The following CWC22 variants were observed in gnomAD, a reference collection of about 807,000 sequenced individuals.
CWC22 encodes CWC22 spliceosome associated protein.
A neutral mutation model predicts 117.2 loss-of-function variants in CWC22; 53 were observed. That is an observed-to-expected ratio of 0.45 (90% confidence interval 0.36 to 0.57). CWC22 has a LOEUF of 0.57. CWC22 is among the 20% of genes least tolerant of loss of function. The pLI, the probability that CWC22 is intolerant of heterozygous loss-of-function variation, is 0.00. For missense variants in CWC22, 980 were observed against 1,068.8 expected (o/e 0.92, Z 1.16); for synonymous variants, 360 against 355.6 (o/e 1.01, Z -0.14).
chr2:179,964,611 G>C lies in CWC22; in HGVS notation c.1333C>G (p.His445Asp). The part of the protein sequence containing the change: ...EDEEGQKVTI[H>D]DKTEINLVSF... ...ACCAGGTTAATTTCTGTTTTGTCAT[G>C]AATAGTTACTTTTTGTCCTGAAAGA... is the stretch of plus-strand genomic sequence containing the variant. The change falls in exon 13 of 20, where the codon CAT (histidine) becomes GAT (aspartate). Residue 445 changes from histidine (H) to aspartate (D), a missense_variant. By Grantham distance (81) the His-to-Asp change is moderately conservative. Coordinates refer to ENST00000410053, the MANE Select transcript of CWC22 (RefSeq NM_020943.3). The C allele has an allele frequency of 6.5e-7, 1 of 1,547,674 alleles. No homozygotes were observed.
Position 179,961,347 on chromosome 2 carries a change from G to A in CWC22, c.1398-2265C>T, listed in dbSNP as rs181488224. ...AAGTAATGATTATGGACTTAGTTTTGCAGTTCATCTATATTCCTCAGCTTC... is the reference window on the plus strand; with the variant it reads ...AAGTAATGATTATGGACTTAGTTTTACAGTTCATCTATATTCCTCAGCTTC... On this transcript the variant is annotated intron_variant, in intron 13 of 19. Coordinates refer to ENST00000410053, the MANE Select transcript of CWC22 (RefSeq NM_020943.3). 2.2e-3 allele frequency among the ~76,000 whole-genome samples: 335 copies of A among 151,956 alleles called. 1 individual carries two copies. The highest frequency in any genetic ancestry group is 7.2e-3 in the African/African-American group (297 of 41,482).
intron 19 of CWC22, among the ~76,000 whole-genome samples, chr2:179,946,601 C>T (rs1005489216): frequency 3.3e-5 from 5 of 151,874 alleles, no homozygotes; most frequent in South Asian, 2.1e-4. Flanking sequence ...TTTTAGAAAG[C>T]GACTCAAATG....
At chr2:179,965,524 A>G (rs10497554) in intron 12 of CWC22, among the ~76,000 whole-genome samples, 22,336 of 152,292 alleles carry the variant, frequency 0.15, 2,024 homozygotes, top group Admixed American at 0.29. Context: ...CCAGGGCTAC[A>G]TAAATCACAT....
chr2:179,970,359 C>T lies in CWC22; in HGVS notation c.1210+142G>A, dbSNP rs979811874. 78 of 915,354 alleles carry T rather than the reference C, an allele frequency of 8.5e-5. No individual in the cohort carries two copies. The African/African-American group carries it at 1.2e-3, about 14-fold the overall frequency. The allele number at this position is 915,354 out of a possible 1,614,324, so 56.7% of individuals were successfully genotyped here. A position where few individuals can be genotyped will look rare whatever the true frequency, so the allele number is the denominator to read the frequency against. On this transcript the variant is annotated intron_variant, in intron 11 of 19. Transcript: ENST00000410053. The stretch of plus-strand genomic sequence containing the variant: ...CAAGCACCAGGAAAAAAATAATGCC[C>T]GAGGAAACAGCTAAGAGAATAACTT...
At chr2:179,997,966 G>GA (rs1370694697) in intron 1 of CWC22, among the ~76,000 whole-genome samples, 1 of 152,068 alleles carries the variant, frequency 6.6e-6, no homozygotes, top group African/African-American at 2.4e-5. Context: ...CTTGAATCAA[G>GA]AAAAAATGCA....
chr2:180,006,845 T>A (rs1049594616), intron 1 of CWC22, 22 bp downstream of exon 1: 1 of 152,628 alleles, frequency 6.6e-6, no homozygotes, highest in African/African-American at 2.4e-5. Flanking sequence ...AGTCAGTTCA[T>A]GGCAGCCCAT....
In CWC22 at chr2:179,945,603, G is replaced by A. The variant is rs527659781; in HGVS notation, c.2253C>T (p.His751=). 106 of 1,613,006 alleles carry A rather than the reference G, an allele frequency of 6.6e-5. 1 individual carries two copies. In the South Asian group the frequency reaches 9.0e-4, roughly 14 times the overall value. Residue 751 remains histidine (H), a synonymous_variant, in exon 20 of 20, where the codon CAC becomes CAT. Transcript: ENST00000410053. ...TCTCAGTCCTTGTTTCCTGGTGCCC[G>A]TGTTCTTGTCTTCTTTCTTTTTGTT... ...DRKQKERRQE[H]GHQETRTERE... is the part of the protein sequence containing the mutation.
intron 14 of CWC22, among the ~76,000 whole-genome samples, chr2:179,956,803 T>C (rs1047613734): frequency 7.3e-5 from 11 of 151,720 alleles, no homozygotes; most frequent in Non-Finnish European, 4.4e-5. Flanking sequence ...TTTACCAACA[T>C]TACATTTTAT....
chr2:179,952,946 A>T (rs1434170220), intron 16 of CWC22, among the ~76,000 whole-genome samples: 1 of 152,108 alleles, frequency 6.6e-6, no homozygotes, highest in East Asian at 1.9e-4. Context: ...TTGGGGCAAA[A>T]TGCCACTTAG....
intron 6 of CWC22, among the ~76,000 whole-genome samples, chr2:179,976,438 C>G (rs1353757961): frequency 6.6e-6 from 1 of 152,150 alleles, no homozygotes; most frequent in Non-Finnish European, 1.5e-5. Context: ...TAGAATGCTT[C>G]TGCACAGCAC....
chr2:179,963,003 A>T (rs921309253), intron 13 of CWC22, among the ~76,000 whole-genome samples: 8 of 152,176 alleles, frequency 5.3e-5, no homozygotes, highest in African/African-American at 1.7e-4. Flanking sequence ...GAAAATCAAC[A>T]TCTAAGACAG....
At chr2:180,003,330 C>A (rs186073877) in intron 1 of CWC22, among the ~76,000 whole-genome samples, 7 of 152,294 alleles carry the variant, frequency 4.6e-5, no homozygotes, top group Admixed American at 3.9e-4. Context: ...CCTGAAGGTG[C>A]AGTTCTTTTA....
At chr2:180,002,610 G>A (rs1239168929) in intron 1 of CWC22, among the ~76,000 whole-genome samples, 1 of 152,166 alleles carries the variant, frequency 6.6e-6, no homozygotes, top group Non-Finnish European at 1.5e-5. Flanking sequence ...CAACAGACAA[G>A]GCATTGAGGA....
chr2:179,975,890 A>C (rs1687141421), intron 6 of CWC22, among the ~76,000 whole-genome samples: 1 of 152,220 alleles, frequency 6.6e-6, no homozygotes, highest in Admixed American at 6.5e-5. Context: ...TTTTTCACAG[A>C]AATAGAAAAA....
intron 13 of CWC22, among the ~76,000 whole-genome samples, 176 bp downstream of exon 13, chr2:179,964,371 A>G (rs1686834042): frequency 6.6e-6 from 1 of 152,168 alleles, no homozygotes; most frequent in Non-Finnish European, 1.5e-5. Context: ...TTTGCCTATA[A>G]AGCAAAGAAC....
intron 19 of CWC22, among the ~76,000 whole-genome samples, chr2:179,948,721 G>A (rs993829740): frequency 6.6e-6 from 1 of 152,158 alleles, no homozygotes; most frequent in Non-Finnish European, 1.5e-5. Context: ...TAAGTGACCA[G>A]AGGACTTCAA....
intron 6 of CWC22, among the ~76,000 whole-genome samples, chr2:179,976,732 T>C (rs1220772202): frequency 1.3e-5 from 2 of 151,872 alleles, no homozygotes; most frequent in East Asian, 3.9e-4. Flanking sequence ...ATGGCTGTAA[T>C]AAAAAAGATG....
intron 12 of CWC22, among the ~76,000 whole-genome samples, chr2:179,964,876 A>G (rs1328259060): frequency 1.3e-5 from 2 of 152,166 alleles, no homozygotes; most frequent in African/African-American, 2.4e-5. Context: ...TTTATCTGTT[A>G]TCTGCTCATT....
intron 6 of CWC22, among the ~76,000 whole-genome samples, chr2:179,974,744 C>T (rs111847295): frequency 1.3e-5 from 2 of 152,182 alleles, no homozygotes; most frequent in Non-Finnish European, 2.9e-5. Context: ...ACTTTATACC[C>T]CCACCTTTTT....
Sources: allele counts gnomAD v4.1 joint callset (sites outside exome capture counted in the v4.1 genomes callset), GRCh38; gene constraint gnomAD v4.1.1; transcripts MANE v1.5; gene names NCBI Gene and HGNC (gene_info 2026-07-23, HGNC 2026-07-21).